Variants in KIF3A observed in about 807,000 individuals in gnomAD.
KIF3A encodes kinesin family member 3A.
KIF3A carries 27 observed loss-of-function variants against 92.6 expected under a neutral mutation model. That is an observed-to-expected ratio of 0.29 (90% CI 0.21 to 0.40). The LOEUF (loss-of-function observed/expected upper bound fraction) is 0.40. KIF3A is among the 10% of genes least tolerant of loss of function. The pLI, the probability that KIF3A is intolerant of heterozygous loss-of-function variation, is 1.00. For missense variants in KIF3A, 581 were observed against 872.6 expected (o/e 0.67, Z 4.21); for synonymous variants, 250 against 275.4 (o/e 0.91, Z 0.92).
intron 5 of KIF3A, among the ~76,000 whole-genome samples, chr5:132,720,022 T>C (rs1753773152): frequency 6.6e-6 from 1 of 152,004 alleles, no homozygotes; most frequent in Admixed American, 6.5e-5. Context: ...CCAGGTGGGT[T>C]TCTTTAGGAC....
Position 132,702,885 on chromosome 5 carries a change from C to T in KIF3A, c.1647G>A (p.Glu549=). ...EQLRRELEEK[E]QERLDIEEKY... ...AACTAAAAACAGAAAGTCACATTAC[C>T]TCTTTTTCCTCAAGTTCTCTGCGAA... The change falls in exon 13 of 19, where the codon GAG becomes GAA. Residue 549 remains glutamate (E), a splice_region_variant and synonymous_variant. Coordinates refer to ENST00000403231, the MANE Select transcript of KIF3A (RefSeq NM_001300791.2). The T allele has an allele frequency of 1.2e-6, 2 of 1,612,098 alleles. No homozygotes were observed. Among genetic ancestry groups the T allele is most frequent in the Middle Eastern group, 1.7e-4 (1 of 6,056 alleles).
intron 2 of KIF3A, among the ~76,000 whole-genome samples, chr5:132,728,053 A>C (rs1754096990): frequency 1.3e-5 from 2 of 152,356 alleles, no homozygotes; most frequent in Middle Eastern, 6.8e-3. Flanking sequence ...GCTATTAGGA[A>C]TATAACACTG....
intron 9 of KIF3A, among the ~76,000 whole-genome samples, chr5:132,710,635 A>ACAAT (rs1164693304): frequency 6.6e-6 from 1 of 152,188 alleles, no homozygotes; most frequent in East Asian, 1.9e-4. Flanking sequence ...AAACAAACAA[A>ACAAT]CAAACAAAAA....
At chr5:132,724,809 AT>A (rs1753967788) in intron 4 of KIF3A, among the ~76,000 whole-genome samples, 151 of 10,394 alleles carry the variant, frequency 0.015, no homozygotes, top group Non-Finnish European at 0.023. Flanking sequence ...AAAAAAAAAT[AT>A]ATATATATAT....
rs777731119 is a variant in KIF3A, at chr5:132,703,639, G to C, written c.1310-20C>G. 1 of 1,566,348 alleles carries C rather than the reference G, an allele frequency of 6.4e-7. No individual in the cohort carries two copies. Among genetic ancestry groups the C allele is most frequent in the Non-Finnish European group, 8.7e-7 (1 of 1,151,642 alleles). On this transcript the variant is annotated intron_variant, in intron 11 of 18. Transcript: ENST00000403231. ...TTTTTCCTATTTGAATCATTTAATT[G>C]CAACAATCACTAAAATGAATCAATG...
At chr5:132,707,341 T>A (rs1753249299) in intron 10 of KIF3A, among the ~76,000 whole-genome samples, 1 of 152,146 alleles carries the variant, frequency 6.6e-6, no homozygotes, top group South Asian at 2.1e-4. Flanking sequence ...AGCAACCACA[T>A]GCTAGGACAA....
intron 1 of KIF3A, among the ~76,000 whole-genome samples, chr5:132,735,515 T>C (rs1754362117): frequency 6.6e-6 from 1 of 152,236 alleles, no homozygotes; most frequent in Non-Finnish European, 1.5e-5. Flanking sequence ...GAAACAAATA[T>C]GAGTCATTGT....
rs377440480 is a variant in KIF3A at position 132,703,615 on chromosome 5, T to C, written c.1314A>G (p.Lys438=). The stretch of plus-strand genomic sequence containing the variant: ...TCATCTTGTCTGGGGAGACTTTCTT[T>C]TTTCCTATTTGAATCATTTAATTGC... The part of the protein sequence containing the change: ...LDKFLPNQAG[K]KKVSPDKMIE... The change falls in exon 12 of 19, where the codon AAA becomes AAG. Residue 438 remains lysine, a synonymous_variant. Transcript: ENST00000403231. 317 of 1,598,386 alleles carry C rather than the reference T, an allele frequency of 2.0e-4. 1 individual carries two copies. Among genetic ancestry groups the C allele is most frequent in the Non-Finnish European group, 2.6e-4 (308 of 1,173,976 alleles).
Position 132,737,488 on chromosome 5 carries a change from A to C in KIF3A, c.-69T>G. On this transcript the variant is annotated 5_prime_UTR_variant, in exon 1 of 19. Coordinates refer to ENST00000403231, the MANE Select transcript of KIF3A (RefSeq NM_001300791.2). Reference sequence around the variant, plus strand: ...CAGCCCAGCGACACCGGGTGCGCAGAAAGGATGGCCAGAGACTACCGAAAC... The same window carrying C: ...CAGCCCAGCGACACCGGGTGCGCAGCAAGGATGGCCAGAGACTACCGAAAC... 1 of 1,576,326 alleles carries C rather than the reference A, an allele frequency of 6.3e-7. No individual in the cohort carries two copies. The highest frequency in any genetic ancestry group is 1.1e-5 in the South Asian group (1 of 87,556).
intron 17 of KIF3A, 165 bp from the exon 18 acceptor site, chr5:132,699,460 C>A: frequency 1.4e-6 from 1 of 695,328 alleles, no homozygotes; most frequent in Non-Finnish European, 2.5e-6. Context: ...CTAAAATGTA[C>A]TTAATAAAGG....
chr5:132,728,392 C>T (rs1157270901), intron 2 of KIF3A, among the ~76,000 whole-genome samples: 1 of 151,992 alleles, frequency 6.6e-6, no homozygotes, highest in Non-Finnish European at 1.5e-5. Flanking sequence ...TAACTTTCAC[C>T]CCAATCCTAA....
intron 10 of KIF3A, among the ~76,000 whole-genome samples, chr5:132,708,655 T>C (rs1251369740): frequency 6.6e-6 from 1 of 152,224 alleles, no homozygotes; most frequent in African/African-American, 2.4e-5. Context: ...TCTCTTTACA[T>C]TATCTCAATT....
chr5:132,725,465 C>G (rs951392569), intron 4 of KIF3A, among the ~76,000 whole-genome samples: 3 of 152,128 alleles, frequency 2.0e-5, no homozygotes, highest in Non-Finnish European at 4.4e-5. Context: ...CAAATCAAGA[C>G]TCACAGAGAT....
intron 4 of KIF3A, chr5:132,723,085 A>C (rs1386484408): frequency 2.6e-5 from 4 of 152,070 alleles, no homozygotes; most frequent in African/African-American, 7.2e-5. Flanking sequence ...TTATTTAGAA[A>C]GGAGTTGGGA....
chr5:132,690,854 G>A (rs1326606976), downstream of KIF3A, among the ~76,000 whole-genome samples: 1 of 152,242 alleles, frequency 6.6e-6, no homozygotes, highest in Admixed American at 6.5e-5. Context: ...GTGAACCCAG[G>A]AGGCGGAGCT....
rs904212542 is a variant in KIF3A, at chr5:132,693,088, C to T, written c.*3546G>A. 10 of 151,602 alleles carry T rather than the reference C, an allele frequency of 6.6e-5. No homozygotes were observed. The East Asian group carries it at 1.2e-3, about 18-fold the overall frequency. The allele number at this position is 151,602 out of a possible 1,614,324, so 9.4% of individuals were successfully genotyped here. A position where few individuals can be genotyped will look rare whatever the true frequency, so the allele number is the denominator to read the frequency against. On this transcript the variant is annotated 3_prime_UTR_variant, in exon 19 of 19. Transcript: ENST00000403231. Reference sequence around the variant, plus strand: ...AACAAAACAAAAAACAACCAAAAACCATAATCATAGTTTTAAAAACATGTT... The same window carrying T: ...AACAAAACAAAAAACAACCAAAAACTATAATCATAGTTTTAAAAACATGTT...
chr5:132,710,163 C>A (rs1442063607), intron 9 of KIF3A, among the ~76,000 whole-genome samples: 3 of 151,976 alleles, frequency 2.0e-5, no homozygotes, highest in Non-Finnish European at 4.4e-5. Flanking sequence ...GGCAACAAAT[C>A]CCCCACAACA....
intron 2 of KIF3A, among the ~76,000 whole-genome samples, chr5:132,728,745 C>T (rs1754124306): frequency 6.7e-6 from 1 of 149,578 alleles, no homozygotes; most frequent in African/African-American, 2.5e-5. Context: ...TCAAAAAATA[C>T]AATAAATAAA....
At position 132,703,404 on chromosome 5, in the gene KIF3A, T is replaced by A. The variant is rs990533037; in HGVS notation, c.1466+59A>T. On this transcript the variant is annotated intron_variant, in intron 12 of 18. Coordinates refer to ENST00000403231, the MANE Select transcript of KIF3A (RefSeq NM_001300791.2). ...TACTATTCAATTTTCCTATTTTATA[T>A]ATCCTAGGAAAAAACAGAAATTTAA... The A allele has an allele frequency of 5.6e-6, 8 of 1,425,766 alleles. No individual in the cohort carries two copies. In the South Asian group the frequency reaches 9.0e-5, roughly 16 times the overall value. The allele number at this position is 1,425,766 out of a possible 1,614,324, so 88.3% of individuals were successfully genotyped here. A position where few individuals can be genotyped will look rare whatever the true frequency, so the allele number is the denominator to read the frequency against.
Sources: allele counts gnomAD v4.1 joint callset (sites outside exome capture counted in the v4.1 genomes callset), GRCh38; gene constraint gnomAD v4.1.1; transcripts MANE v1.5; gene names NCBI Gene and HGNC (gene_info 2026-07-23, HGNC 2026-07-21).